The following NKAIN2 variants were observed in gnomAD, a reference collection of about 807,000 sequenced individuals.
NKAIN2 encodes the protein sodium/potassium transporting ATPase interacting 2.
Under a neutral mutation model 32.6 loss-of-function variants are expected in NKAIN2, and 14 were observed. The ratio of observed to expected loss-of-function variants is 0.43; its 90% CI spans 0.28 to 0.67. The LOEUF is 0.67. Ranked by LOEUF, NKAIN2 falls within the 30% of genes least tolerant of loss-of-function variation. The pLI, the probability that NKAIN2 is intolerant of heterozygous loss-of-function variation, is 0.17. For synonymous variants in NKAIN2, 80 were observed against 87.2 expected, an observed-to-expected ratio of 0.92 and a Z score of 0.46; for missense variants, 198 against 258.3, an observed-to-expected ratio of 0.77 and a Z score of 1.60.
At chr6:124,023,214 A>G (rs1383791136) in intron 1 of NKAIN2, among the ~76,000 whole-genome samples, 1 of 151,844 alleles carries the variant, frequency 6.6e-6, no homozygotes, top group Non-Finnish European at 1.5e-5. Flanking sequence ...TTAAACACAC[A>G]CACACACGCA....
intron 1 of NKAIN2, among the ~76,000 whole-genome samples, chr6:123,812,292 A>G (rs552403502): frequency 2.9e-4 from 44 of 152,326 alleles, no homozygotes; most frequent in Non-Finnish European, 5.6e-4. Context: ...ATATTCAGTG[A>G]TTGCCTACAC....
intron 1 of NKAIN2, among the ~76,000 whole-genome samples, chr6:124,193,683 C>T (rs1325444137): frequency 6.6e-6 from 1 of 152,088 alleles, no homozygotes; most frequent in African/African-American, 2.4e-5. Context: ...AGTTCTTGTT[C>T]TGTGACCAGG....
chr6:124,421,267 A>G (rs1774737696), intron 3 of NKAIN2, among the ~76,000 whole-genome samples: 1 of 152,088 alleles, frequency 6.6e-6, no homozygotes, highest in Non-Finnish European at 1.5e-5. Flanking sequence ...TGACCAAAAG[A>G]ATATTAACTC....
intron 1 of NKAIN2, among the ~76,000 whole-genome samples, chr6:123,833,713 G>GTGTC (rs1774484511): frequency 6.7e-6 from 1 of 148,616 alleles, no homozygotes; most frequent in African/African-American, 2.5e-5. Context: ...GTGTGTGTGT[G>GTGTC]TGTGTGTGTG....
chr6:124,220,055 C>T (rs1395429032), intron 1 of NKAIN2, among the ~76,000 whole-genome samples: 1 of 152,010 alleles, frequency 6.6e-6, no homozygotes, highest in African/African-American at 2.4e-5. Flanking sequence ...GTGTCCCCAC[C>T]CAAATCTCAT....
At chr6:124,376,349 T>C (rs1023561392) in intron 3 of NKAIN2, among the ~76,000 whole-genome samples, 4 of 152,100 alleles carry the variant, frequency 2.6e-5, no homozygotes, top group African/African-American at 9.7e-5. Flanking sequence ...AAAGAACATA[T>C]GTTGGTTTTG....
At chr6:124,396,979 G>A (rs1479606826) in intron 3 of NKAIN2, among the ~76,000 whole-genome samples, 2 of 152,040 alleles carry the variant, frequency 1.3e-5, no homozygotes, top group Middle Eastern at 3.2e-3. Flanking sequence ...ATACAAAAAG[G>A]CATTAGAGAA....
chr6:123,876,746 GCC>G (rs1351878326), intron 1 of NKAIN2, among the ~76,000 whole-genome samples: 1 of 152,156 alleles, frequency 6.6e-6, no homozygotes, highest in Non-Finnish European at 1.5e-5. Flanking sequence ...ATTGGATGCT[GCC>G]CACCCACATT....
chr6:124,805,289 C>A (rs1780486325), intron 5 of NKAIN2, among the ~76,000 whole-genome samples: 1 of 152,136 alleles, frequency 6.6e-6, no homozygotes, highest in South Asian at 2.1e-4. Flanking sequence ...TCCTCTGAGA[C>A]AAAACTTCCA....
intron 3 of NKAIN2, among the ~76,000 whole-genome samples, chr6:124,520,219 AAAAG>A (rs1779070952): frequency 6.6e-6 from 1 of 152,202 alleles, no homozygotes; most frequent in African/African-American, 2.4e-5. Context: ...AAAGAAAAGA[AAAAG>A]AGAGAGACCA....
chr6:124,798,856 A>T (rs1234974875), intron 5 of NKAIN2, among the ~76,000 whole-genome samples: 1 of 152,182 alleles, frequency 6.6e-6, no homozygotes, highest in African/African-American at 2.4e-5. Flanking sequence ...GAAGAATAGT[A>T]GGAGACACCA....
chr6:124,542,019 C>T (rs973579682), intron 3 of NKAIN2, among the ~76,000 whole-genome samples: 2 of 152,090 alleles, frequency 1.3e-5, no homozygotes, highest in East Asian at 3.8e-4. Flanking sequence ...AGCAACTTAT[C>T]TTCTGGATGT....
At chr6:124,068,950 T>A (rs1171706637) in intron 1 of NKAIN2, among the ~76,000 whole-genome samples, 1 of 152,072 alleles carries the variant, frequency 6.6e-6, no homozygotes, top group Non-Finnish European at 1.5e-5. Context: ...AGTAGAATCC[T>A]TAGCTGATTG....
chr6:124,519,176 G>A (rs551077273), intron 3 of NKAIN2, among the ~76,000 whole-genome samples: 1 of 152,312 alleles, frequency 6.6e-6, no homozygotes, highest in Non-Finnish European at 1.5e-5. Flanking sequence ...ATTAGCTCAA[G>A]ATGGGGCAAA....
rs189426699 is a variant in NKAIN2, at chr6:124,391,417, G to C, written c.273+36070G>C. On this transcript the variant is annotated intron_variant, in intron 3 of 6. Coordinates refer to ENST00000368417, the MANE Select transcript of NKAIN2 (RefSeq NM_001040214.3). ...AGGACCTTTTGAAGTCCAGGGCTGT[G>C]CCTCTCTTGTTCACCAGGGCCTGAC... 2.9e-3 allele frequency among the ~76,000 whole-genome samples: 442 copies of C among 152,214 alleles called. No individual in the cohort carries two copies. The Middle Eastern group carries it at 0.034, about 12-fold the overall frequency.
intron 3 of NKAIN2, among the ~76,000 whole-genome samples, chr6:124,615,948 T>C (rs1200051324): frequency 6.6e-6 from 1 of 152,192 alleles, no homozygotes; most frequent in Non-Finnish European, 1.5e-5. Flanking sequence ...TTTCTACTAC[T>C]CTGCTAAAAT....
intron 1 of NKAIN2, among the ~76,000 whole-genome samples, chr6:124,097,076 C>T: frequency 6.6e-6 from 1 of 152,022 alleles, no homozygotes. Flanking sequence ...TAGAAGCCTT[C>T]AAAATCAAGG....
intron 1 of NKAIN2, among the ~76,000 whole-genome samples, chr6:124,207,550 C>A (rs1038826086): frequency 1.3e-5 from 2 of 150,706 alleles, no homozygotes; most frequent in Non-Finnish European, 3.0e-5. Flanking sequence ...TTCTCAATTG[C>A]ACTTCCTGGG....
intron 3 of NKAIN2, among the ~76,000 whole-genome samples, chr6:124,469,798 A>AT (rs1776902768): frequency 6.6e-6 from 1 of 152,220 alleles, no homozygotes; most frequent in East Asian, 1.9e-4. Flanking sequence ...GATGACATGT[A>AT]TTTTCCATCC....
Sources: allele counts gnomAD v4.1 joint callset (sites outside exome capture counted in the v4.1 genomes callset), GRCh38; gene constraint gnomAD v4.1.1; transcripts MANE v1.5; gene names NCBI Gene and HGNC (gene_info 2026-07-23, HGNC 2026-07-21).